The following USP32 variants were observed in gnomAD, a reference collection of about 807,000 sequenced individuals.
USP32 encodes the protein ubiquitin specific peptidase 32.
A neutral mutation model predicts 204.8 loss-of-function variants in USP32; 59 were observed. That is an observed-to-expected ratio of 0.29 (90% CI 0.23 to 0.36). The LOEUF (loss-of-function observed/expected upper bound fraction) is 0.36, where lower values mean the gene tolerates loss of function less well. Ranked by LOEUF, USP32 falls within the 10% of genes least tolerant of loss-of-function variation. The probability of loss-of-function intolerance (pLI) is 1.00; values close to 1 mark genes in which losing one functional copy is unlikely to be tolerated. For synonymous variants in USP32, 517 were observed against 678.4 expected, an observed-to-expected ratio of 0.76 and a Z score of 3.70; for missense variants, 1,160 against 1,946.4, an observed-to-expected ratio of 0.60 and a Z score of 7.60.
exon 1 of USP32, chr17:60,422,391 C>T (rs1307819446): frequency 7.4e-7 from 1 of 1,359,424 alleles, no homozygotes; most frequent in East Asian, 2.9e-5. Flanking sequence ...CTGGAGGGGC[C>T]AGCTGCAGCC....
At chr17:60,211,980 T>C (rs1391023774) in intron 19 of USP32, 44 bp downstream of exon 19, 1 of 1,453,694 alleles carries the variant, frequency 6.9e-7, no homozygotes, top group South Asian at 1.3e-5. Flanking sequence ...AAAAAAAGAA[T>C]ACATTTAAAA....
chr17:60,309,191 TAA>T (rs1186960751), intron 2 of USP32, among the ~76,000 whole-genome samples: 1 of 152,078 alleles, frequency 6.6e-6, no homozygotes, highest in Non-Finnish European at 1.5e-5. Flanking sequence ...TCAATAAAAT[TAA>T]GAGACAACCT....
intron 2 of USP32, among the ~76,000 whole-genome samples, chr17:60,330,996 T>G (rs2088369283): frequency 2.0e-5 from 3 of 152,154 alleles, no homozygotes; most frequent in Non-Finnish European, 4.4e-5. Flanking sequence ...GTCATATACC[T>G]AAATTCCTAC....
chr17:60,269,355 A>T, intron 7 of USP32, 95 bp downstream of exon 7: 1 of 910,864 alleles, frequency 1.1e-6, no homozygotes, highest in Non-Finnish European at 1.7e-6. Context: ...AGTTATAAAA[A>T]TTCAAGCCTT....
intron 5 of USP32, among the ~76,000 whole-genome samples, chr17:60,283,159 A>G (rs1443609227): frequency 3.3e-5 from 5 of 152,268 alleles, no homozygotes; most frequent in Non-Finnish European, 5.9e-5. Context: ...CAAGGGCTGA[A>G]AGATGAAGTA....
intron 2 of USP32, among the ~76,000 whole-genome samples, chr17:60,307,635 T>C (rs1207426492): frequency 6.6e-6 from 1 of 151,982 alleles, no homozygotes; most frequent in Admixed American, 6.6e-5. Flanking sequence ...CACAACAGCA[T>C]GGTACTGATA....
chr17:60,311,256 GTATC>G (rs1379799148), intron 2 of USP32, among the ~76,000 whole-genome samples: 1 of 152,058 alleles, frequency 6.6e-6, no homozygotes, highest in African/African-American at 2.4e-5. Flanking sequence ...CCCAAAAAAT[GTATC>G]TATTATGCAA....
chr17:60,328,767 C>T (rs574552625), intron 2 of USP32, among the ~76,000 whole-genome samples: 20 of 152,310 alleles, frequency 1.3e-4, no homozygotes, highest in South Asian at 6.2e-4. Flanking sequence ...CATCACACTC[C>T]CCGGGAGCAG....
At chr17:60,235,459 T>A (rs185083854) in intron 12 of USP32, among the ~76,000 whole-genome samples, 7 of 152,326 alleles carry the variant, frequency 4.6e-5, no homozygotes, top group Non-Finnish European at 8.8e-5. Context: ...ATGAGATAGA[T>A]AATGTAAAAA....
intron 5 of USP32, among the ~76,000 whole-genome samples, chr17:60,272,663 TGA>T (rs1230176728): frequency 1.3e-5 from 2 of 152,306 alleles, no homozygotes; most frequent in South Asian, 4.1e-4. Context: ...CGGTGAACCT[TGA>T]GAGAGAGGAA....
At chr17:60,183,490 G>C (rs1194761074) in intron 30 of USP32, 37 bp from the exon 31 acceptor site, 6 of 1,526,008 alleles carry the variant, frequency 3.9e-6, no homozygotes, top group African/African-American at 2.8e-5. Context: ...TGCATTAAAG[G>C]GTTCTGAAGA....
chr17:60,401,890 AG>A (rs1262881274), intron 1 of USP32, among the ~76,000 whole-genome samples: 1 of 152,184 alleles, frequency 6.6e-6, no homozygotes, highest in Non-Finnish European at 1.5e-5. Context: ...GTAGATACAA[AG>A]TTGTTCCCAG....
intron 1 of USP32, among the ~76,000 whole-genome samples, chr17:60,419,128 T>A (rs1250037040): frequency 6.6e-6 from 1 of 152,150 alleles, no homozygotes; most frequent in Non-Finnish European, 1.5e-5. Flanking sequence ...TGCCCATCAA[T>A]GGTAGACTGA....
At chr17:60,219,639 T>C (rs1413748502) in intron 16 of USP32, 31 bp downstream of exon 16, 1 of 1,561,456 alleles carries the variant, frequency 6.4e-7, no homozygotes, top group Non-Finnish European at 8.7e-7. Context: ...TCTCGGTAAA[T>C]GCTGAGGAAA....
chr17:60,322,433 G>C (rs1381029096), intron 2 of USP32, among the ~76,000 whole-genome samples: 2 of 151,960 alleles, frequency 1.3e-5, no homozygotes, highest in Non-Finnish European at 2.9e-5. Flanking sequence ...ATTTCATTTT[G>C]GCTCTCTGTA....
chr17:60,406,516 CT>C (rs112995905), intron 1 of USP32, among the ~76,000 whole-genome samples: 3,531 of 151,572 alleles, frequency 0.023, 165 homozygotes, highest in African/African-American at 0.081. Flanking sequence ...TCTTCTTTTG[CT>C]TTTTTTTCTC....
At chr17:60,421,487 C>CA in intron 1 of USP32, 1 of 985,482 alleles carries the variant, frequency 1.0e-6, no homozygotes, top group Non-Finnish European at 1.2e-6. Context: ...AACAGGGCCA[C>CA]ACTGAGTGGG....
intron 1 of USP32, among the ~76,000 whole-genome samples, chr17:60,365,822 C>A (rs367612742): frequency 1.1e-4 from 16 of 152,136 alleles, no homozygotes; most frequent in African/African-American, 3.4e-4. Flanking sequence ...AAGAGAAAAA[C>A]CAGAATAAAT....
Position 60,422,406 on chromosome 17 carries a change from C to T in USP32, c.-55G>A, listed in dbSNP as rs1005220637. 2.1e-6 allele frequency: 3 copies of T among 1,439,344 alleles called. No homozygotes were observed. The African/African-American group carries it at 4.3e-5, about 20-fold the overall frequency. The allele number at this position is 1,439,344 out of a possible 1,614,324, so 89.2% of individuals were successfully genotyped here. ...CTGGAGGGGCCAGCTGCAGCCACCC[C>T]TAAGAATGAGGAAATGGGAGCGGGG... On this transcript the variant is annotated 5_prime_UTR_variant, in exon 1 of 4. Coordinates refer to the USP32 transcript ENST00000588898.
Sources: gnomAD v4.1 joint callset for allele counts (sites outside exome capture counted in the v4.1 genomes callset) on GRCh38, gnomAD v4.1.1 for gene constraint, MANE v1.5 for transcripts, NCBI Gene and HGNC (gene_info 2026-07-23, HGNC 2026-07-21) for gene names.